FAM107B: variants seen among roughly 807,000 people sequenced by gnomAD.
The protein encoded by FAM107B is family with sequence similarity 107 member B.
Under a neutral mutation model 31.5 loss-of-function variants are expected in FAM107B, and 21 were observed. The ratio of observed to expected loss-of-function variants is 0.67; its 90% confidence interval spans 0.47 to 0.96. The LOEUF is 0.96. Among genes scored for constraint, FAM107B ranks in the 40% least tolerant of loss-of-function variants. FAM107B has a pLI of 0.00. For missense variants in FAM107B, 452 were observed against 377.1 expected, an observed-to-expected ratio of 1.20 and a Z score of -1.64; for synonymous variants, 157 against 141.5, an observed-to-expected ratio of 1.11 and a Z score of -0.78.
chr10:14,774,215 C>A, intron 1 of FAM107B, 38 bp downstream of exon 1: 2 of 1,567,902 alleles, frequency 1.3e-6, no homozygotes, highest in South Asian at 1.2e-5. Flanking sequence ...TCCTCCAGCT[C>A]CATCCCGTCT....
intron 2 of FAM107B, among the ~76,000 whole-genome samples, chr10:14,615,986 C>T (rs1852839336): frequency 6.6e-6 from 1 of 152,072 alleles, no homozygotes; most frequent in Non-Finnish European, 1.5e-5. Context: ...GCATACTTCC[C>T]AATTGTATAA....
intron 1 of FAM107B, among the ~76,000 whole-genome samples, chr10:14,738,734 A>G (rs1455669950): frequency 6.6e-6 from 1 of 152,208 alleles, no homozygotes; most frequent in Non-Finnish European, 1.5e-5. Context: ...CAGGAAGGTA[A>G]GGAATTCGGA....
At chr10:14,615,005 T>A (rs1314205214) in intron 2 of FAM107B, among the ~76,000 whole-genome samples, 5 of 152,038 alleles carry the variant, frequency 3.3e-5, no homozygotes, top group African/African-American at 1.2e-4. Context: ...CCAAGAAAGG[T>A]TTTGTTTCAC....
intron 1 of FAM107B, among the ~76,000 whole-genome samples, chr10:14,767,986 G>A (rs1431878600): frequency 1.3e-5 from 2 of 152,072 alleles, no homozygotes; most frequent in Non-Finnish European, 2.9e-5. Flanking sequence ...ACAAAAATCA[G>A]TTGCATTTCT....
intron 2 of FAM107B, among the ~76,000 whole-genome samples, chr10:14,638,374 A>T (rs1853554062): frequency 1.3e-5 from 2 of 152,022 alleles, no homozygotes; most frequent in African/African-American, 4.8e-5. Flanking sequence ...AAAGGTTTCC[A>T]GTCAAAGTAG....
chr10:14,582,452 C>T (rs1258031937), intron 2 of FAM107B, among the ~76,000 whole-genome samples: 5 of 148,196 alleles, frequency 3.4e-5, no homozygotes, highest in East Asian at 2.0e-4. Flanking sequence ...TCTCTGCTCA[C>T]GGCAACCTCC....
At chr10:14,549,994 T>C (rs1849106810) in intron 2 of FAM107B, among the ~76,000 whole-genome samples, 1 of 152,174 alleles carries the variant, frequency 6.6e-6, no homozygotes, top group African/African-American at 2.4e-5. Flanking sequence ...TAACAACCGT[T>C]TTTCTTACGG....
rs534910194 is a variant in FAM107B, at chr10:14,576,255, G to A, written c.470-45740C>T. On this transcript the variant is annotated intron_variant, in intron 2 of 4. Coordinates refer to ENST00000181796, the MANE Select transcript of FAM107B (RefSeq NM_031453.4). ...TAAAAAGCCACTGAGTTGGCCACGT[G>A]CAGTGGCTCACGCCTGCAATCCCAG... 7.2e-5 allele frequency among the ~76,000 whole-genome samples: 11 copies of A among 152,308 alleles called. No individual in the cohort carries two copies. The South Asian group carries it at 1.9e-3, about 26-fold the overall frequency.
intron 2 of FAM107B, among the ~76,000 whole-genome samples, chr10:14,535,323 T>C (rs1010412932): frequency 6.6e-6 from 1 of 152,030 alleles, no homozygotes; most frequent in Non-Finnish European, 1.5e-5. Context: ...AAAAACTGAG[T>C]AAAATGTATA....
chr10:14,556,214 G>T, intron 2 of FAM107B: 1 of 288,708 alleles, frequency 3.5e-6, no homozygotes, highest in Non-Finnish European at 5.2e-6. Context: ...ACAATGACTA[G>T]CTTAAAGTGA....
At chr10:14,628,111 GGTTTTTTT>G (rs1853213189) in intron 2 of FAM107B, among the ~76,000 whole-genome samples, 1 of 90,676 alleles carries the variant, frequency 1.1e-5, no homozygotes, top group African/African-American at 3.9e-5. Flanking sequence ...TTGTTTTGCT[GGTTTTTTT>G]TTTTTTTTTT....
intron 1 of FAM107B, among the ~76,000 whole-genome samples, chr10:14,699,530 C>T (rs772692544): frequency 1.1e-4 from 17 of 152,168 alleles, no homozygotes; most frequent in Non-Finnish European, 1.9e-4. Flanking sequence ...AGAACAAACT[C>T]GCCCTTCCTC....
chr10:14,567,295 C>T (rs1564573449), intron 2 of FAM107B, among the ~76,000 whole-genome samples: 2 of 152,058 alleles, frequency 1.3e-5, no homozygotes, highest in South Asian at 2.1e-4. Context: ...CAAGAGCAGG[C>T]GGATTTGCAA....
intron 2 of FAM107B, among the ~76,000 whole-genome samples, chr10:14,634,613 C>A (rs1041594350): frequency 1.4e-4 from 22 of 152,050 alleles, no homozygotes; most frequent in East Asian, 3.9e-4. Flanking sequence ...AGAAAAAAAA[C>A]CCCAAAACCA....
At chr10:14,593,704 A>AG (rs1475732292) in intron 2 of FAM107B, among the ~76,000 whole-genome samples, 1 of 152,070 alleles carries the variant, frequency 6.6e-6, no homozygotes, top group African/African-American at 2.4e-5. Flanking sequence ...AAAAAAAAAA[A>AG]AAAGAAAATT....
chr10:14,624,947 G>A (rs1054216344), intron 2 of FAM107B, among the ~76,000 whole-genome samples: 5 of 152,086 alleles, frequency 3.3e-5, no homozygotes, highest in South Asian at 2.1e-4. Context: ...ATGTGTGGCC[G>A]GGCGTGGTGG....
At chr10:14,699,531 G>A (rs540347108) in intron 1 of FAM107B, among the ~76,000 whole-genome samples, 4 of 152,138 alleles carry the variant, frequency 2.6e-5, no homozygotes, top group South Asian at 2.1e-4. Flanking sequence ...GAACAAACTC[G>A]CCCTTCCTCC....
intron 2 of FAM107B, among the ~76,000 whole-genome samples, chr10:14,629,427 AATATATATTAT>A (rs1286751562): frequency 0.023 from 547 of 23,376 alleles, 29 homozygotes; most frequent in African/African-American, 0.082. Context: ...TAATATATAT[AATATATATTAT>A]ATATATATTA....
At chr10:14,566,688 C>G (rs992192082) in intron 2 of FAM107B, among the ~76,000 whole-genome samples, 3 of 152,210 alleles carry the variant, frequency 2.0e-5, no homozygotes, top group African/African-American at 7.2e-5. Flanking sequence ...TAGTACAAGG[C>G]AGAAAGTAGA....
Sources: gnomAD v4.1 joint callset for allele counts (sites outside exome capture counted in the v4.1 genomes callset) on GRCh38, gnomAD v4.1.1 for gene constraint, MANE v1.5 for transcripts, NCBI Gene and HGNC (gene_info 2026-07-23, HGNC 2026-07-21) for gene names.